The following DLC1 variants were observed in gnomAD, a reference collection of about 807,000 sequenced individuals.
DLC1 encodes rho GTPase-activating protein 7.
In DLC1, 54 loss-of-function variants were observed where a neutral mutation model predicts 140.3. The observed-to-expected ratio is 0.38, with a 90% CI of 0.31 to 0.48. The LOEUF is 0.48. DLC1 is among the 20% of genes least tolerant of loss of function. DLC1 has a pLI of 0.96. For missense variants in DLC1, 2,536 were observed against 1,907.0 expected (o/e 1.33, Z -6.14); for synonymous variants, 986 against 728.1 (o/e 1.35, Z -5.70).
intron 1 of DLC1, among the ~76,000 whole-genome samples, chr8:13,551,924 A>G (rs1803869639): frequency 6.8e-6 from 1 of 146,592 alleles, no homozygotes; most frequent in Non-Finnish European, 1.5e-5. Flanking sequence ...GTACCTCTAG[A>G]CAGTATATAG....
At chr8:13,394,584 A>G (rs983705172) in intron 3 of DLC1, among the ~76,000 whole-genome samples, 14 of 152,292 alleles carry the variant, frequency 9.2e-5, no homozygotes, top group African/African-American at 3.4e-4. Flanking sequence ...GGGATGGAGC[A>G]AAGGCACGTA....
chr8:13,088,447 A>G, intron 16 of DLC1, 40 bp downstream of exon 16: 1 of 1,601,012 alleles, frequency 6.2e-7, no homozygotes, highest in Non-Finnish European at 8.6e-7. Context: ...TCATATATGG[A>G]GTCATCCTTG....
At chr8:13,469,214 T>C (rs995011274) in intron 2 of DLC1, among the ~76,000 whole-genome samples, 2 of 152,210 alleles carry the variant, frequency 1.3e-5, no homozygotes, top group Non-Finnish European at 2.9e-5. Context: ...CTAGCTCACG[T>C]TGGATATTTT....
intron 1 of DLC1, chr8:13,557,590 G>C (rs1485059008): frequency 5.3e-5 from 8 of 152,130 alleles, no homozygotes; most frequent in Admixed American, 5.2e-4. Flanking sequence ...TCTCAGGAGA[G>C]CTGATGGTTT....
At chr8:13,456,895 A>T (rs1326991992) in intron 2 of DLC1, among the ~76,000 whole-genome samples, 1 of 152,216 alleles carries the variant, frequency 6.6e-6, no homozygotes, top group African/African-American at 2.4e-5. Context: ...GCTGTATATC[A>T]AGCTGGAGAA....
At chr8:13,348,463 T>C (rs1834473876) in intron 4 of DLC1, among the ~76,000 whole-genome samples, 1 of 152,152 alleles carries the variant, frequency 6.6e-6, no homozygotes, top group South Asian at 2.1e-4. Context: ...GGATGGATGA[T>C]TTGGGAAATG....
chr8:13,100,874 C>A, intron 8 of DLC1, 104 bp from the exon 9 acceptor site: 2 of 1,215,528 alleles, frequency 1.6e-6, no homozygotes, highest in Non-Finnish European at 1.1e-6. Context: ...TATCAATTTC[C>A]CCCTTGTACT....
intron 5 of DLC1, chr8:13,276,193 T>A (rs1346820686): frequency 6.6e-7 from 1 of 1,514,676 alleles, no homozygotes; most frequent in Non-Finnish European, 8.8e-7. Flanking sequence ...TATCACTGCG[T>A]CTTCGCAGTA....
chr8:13,471,791 C>G (rs1252962814), intron 2 of DLC1, among the ~76,000 whole-genome samples: 2 of 152,128 alleles, frequency 1.3e-5, no homozygotes, highest in Non-Finnish European at 2.9e-5. Context: ...AGCAAAGTCC[C>G]TGGAATGCTT....
intron 4 of DLC1, among the ~76,000 whole-genome samples, chr8:13,367,909 C>T (rs528358367): frequency 1.5e-4 from 23 of 152,248 alleles, no homozygotes; most frequent in African/African-American, 5.5e-4. Flanking sequence ...TCGGCTTAGA[C>T]AGGAATTTCA....
At chr8:13,110,960 A>G (rs763423445) in intron 6 of DLC1, 137 bp from the exon 7 acceptor site, 3 of 725,626 alleles carry the variant, frequency 4.1e-6, no homozygotes, top group South Asian at 1.8e-5. Context: ...TTCCCCGTCA[A>G]GTTCTATGGG....
intron 7 of DLC1, among the ~76,000 whole-genome samples, chr8:13,103,957 C>T (rs35945108): frequency 0.37 from 55,324 of 151,120 alleles, 12,195 homozygotes; most frequent in South Asian, 0.5. Context: ...GCAAAATAAA[C>T]AGTGTCTTGT....
intron 5 of DLC1, among the ~76,000 whole-genome samples, chr8:13,143,223 A>G (rs911899564): frequency 2.0e-5 from 3 of 152,202 alleles, no homozygotes; most frequent in African/African-American, 7.2e-5. Context: ...CACTGACCAT[A>G]TACTAAACCA....
At chr8:13,502,642 A>G (rs1178769496) in intron 1 of DLC1, among the ~76,000 whole-genome samples, 1 of 152,238 alleles carries the variant, frequency 6.6e-6, no homozygotes, top group Non-Finnish European at 1.5e-5. Flanking sequence ...ATTATAATCT[A>G]TCCCCTAATA....
chr8:13,385,412 A>G (rs1374637458), intron 4 of DLC1, among the ~76,000 whole-genome samples: 3 of 152,190 alleles, frequency 2.0e-5, no homozygotes, highest in Non-Finnish European at 4.4e-5. Context: ...AAGTAGAAAG[A>G]CTAGAGAAAC....
rs59243648 is a variant in DLC1 at position 13,579,339 on chromosome 8, A to T, written c.-126+25198T>A. On this transcript the variant is annotated intron_variant, in intron 1 of 1. Transcript: ENST00000631382. ...TTTATATATATATATATATATATAT[A>T]TATATATATATATATATATATATTT... is the stretch of plus-strand genomic sequence containing the variant. 1.1e-3 allele frequency among the ~76,000 whole-genome samples: 58 copies of T among 50,660 alleles called. 3 individuals are homozygous for T. Among genetic ancestry groups the T allele is most frequent in the African/African-American group, 5.1e-3 (43 of 8,488 alleles). 33.2% of individuals were successfully genotyped at this position (50,660 alleles called of 152,430 possible).
chr8:13,276,450 G>T (rs781266504), intron 5 of DLC1: 75 of 1,401,452 alleles, frequency 5.4e-5, no homozygotes, highest in Non-Finnish European at 6.8e-5. Flanking sequence ...CCATGCCTCG[G>T]TACTCCGCCC....
intron 2 of DLC1, among the ~76,000 whole-genome samples, chr8:13,442,349 C>G (rs896147204): frequency 5.3e-5 from 8 of 152,270 alleles, no homozygotes; most frequent in Non-Finnish European, 1.0e-4. Context: ...TCAAAATTGA[C>G]AAATGGGATC....
chr8:13,103,890 T>C (rs1194685357), intron 7 of DLC1, among the ~76,000 whole-genome samples: 1 of 150,562 alleles, frequency 6.6e-6, no homozygotes, highest in African/African-American at 2.4e-5. Flanking sequence ...TTGTGATGTC[T>C]CCTTTCATAG....
Sources: gnomAD v4.1 joint callset for allele counts (sites outside exome capture counted in the v4.1 genomes callset) on GRCh38, gnomAD v4.1.1 for gene constraint, MANE v1.5 for transcripts, NCBI Gene and HGNC (gene_info 2026-07-23, HGNC 2026-07-21) for gene names.